The following SPAG16 variants were observed in gnomAD, a reference collection of about 807,000 sequenced individuals.
SPAG16 encodes the protein sperm-associated antigen 16 protein.
Under a neutral mutation model 80.4 loss-of-function variants are expected in SPAG16, and 86 were observed. That is an observed-to-expected ratio of 1.07 (90% CI 0.90 to 1.28). SPAG16 has a LOEUF of 1.28. Among genes scored for constraint, SPAG16 ranks in the 50% most tolerant of loss-of-function variants. The pLI, the probability that SPAG16 is intolerant of heterozygous loss-of-function variation, is 0.00. For synonymous variants in SPAG16, 294 were observed against 265.9 expected (o/e 1.11, Z -1.03); for missense variants, 870 against 765.3 (o/e 1.14, Z -1.61).
At chr2:213,407,521 C>A (rs771382381) in intron 9 of SPAG16, among the ~76,000 whole-genome samples, 2 of 151,880 alleles carry the variant, frequency 1.3e-5, no homozygotes, top group Non-Finnish European at 2.9e-5. Context: ...CCCGTTCAAC[C>A]CCTTTCCTTT....
At chr2:214,074,435 G>A (rs1263879596) in intron 13 of SPAG16, among the ~76,000 whole-genome samples, 1 of 152,122 alleles carries the variant, frequency 6.6e-6, no homozygotes, top group Non-Finnish European at 1.5e-5. Context: ...TTAAAGTGAA[G>A]TGCAAAGCAA....
At chr2:214,408,765 A>G (rs542520419) in intron 15 of SPAG16, among the ~76,000 whole-genome samples, 1 of 152,270 alleles carries the variant, frequency 6.6e-6, no homozygotes, top group African/African-American at 2.4e-5. Flanking sequence ...GTGGAAAGCA[A>G]TGGCTAAAAG....
intron 10 of SPAG16, among the ~76,000 whole-genome samples, chr2:213,857,184 C>T (rs1468583322): frequency 6.6e-6 from 1 of 152,102 alleles, no homozygotes; most frequent in East Asian, 1.9e-4. Flanking sequence ...GAGCCGAGAT[C>T]ACTCCACTGA....
intron 13 of SPAG16, among the ~76,000 whole-genome samples, chr2:214,079,239 G>A (rs888485653): frequency 1.3e-5 from 2 of 152,092 alleles, no homozygotes; most frequent in Non-Finnish European, 2.9e-5. Flanking sequence ...AGAAGGCAGT[G>A]TTTAGCTTTC....
intron 3 of SPAG16, among the ~76,000 whole-genome samples, chr2:213,303,115 A>G (rs56060918): frequency 0.41 from 62,053 of 151,878 alleles, 13,390 homozygotes; most frequent in South Asian, 0.67. Flanking sequence ...TTCCTGTGCT[A>G]GTAACCAGCA....
At chr2:213,743,482 C>G (rs1233173788) in intron 10 of SPAG16, among the ~76,000 whole-genome samples, 1 of 151,056 alleles carries the variant, frequency 6.6e-6, no homozygotes, top group Non-Finnish European at 1.5e-5. Flanking sequence ...TATTTTTTCC[C>G]TAGAAATATC....
intron 10 of SPAG16, among the ~76,000 whole-genome samples, chr2:213,783,135 A>G (rs2070117966): frequency 7.0e-6 from 1 of 142,646 alleles, no homozygotes; most frequent in South Asian, 2.2e-4. Context: ...CCTATGAGTG[A>G]GAATATGCTG....
At chr2:213,613,273 T>C (rs953910023) in intron 10 of SPAG16, among the ~76,000 whole-genome samples, 5 of 152,230 alleles carry the variant, frequency 3.3e-5, no homozygotes, top group Non-Finnish European at 5.9e-5. Context: ...GAGATCATTG[T>C]ACTCCTTGGC....
At chr2:213,841,372 G>T (rs769098756) in intron 10 of SPAG16, among the ~76,000 whole-genome samples, 17 of 152,158 alleles carry the variant, frequency 1.1e-4, no homozygotes, top group Admixed American at 4.6e-4. Context: ...ATTCATGTTA[G>T]ACCCTTGGTC....
intron 15 of SPAG16, among the ~76,000 whole-genome samples, chr2:214,162,300 T>G (rs974155084): frequency 6.6e-6 from 1 of 152,128 alleles, no homozygotes; most frequent in Non-Finnish European, 1.5e-5. Flanking sequence ...AAATCTTTTT[T>G]GAGATGTCAC....
At chr2:213,828,871 C>T (rs1452551106) in intron 10 of SPAG16, among the ~76,000 whole-genome samples, 1 of 152,180 alleles carries the variant, frequency 6.6e-6, no homozygotes, top group East Asian at 1.9e-4. Flanking sequence ...CCTTTGCTTA[C>T]TTTCTCCTGA....
chr2:214,259,419 ATG>A (rs971031146), intron 15 of SPAG16, among the ~76,000 whole-genome samples: 8 of 147,692 alleles, frequency 5.4e-5, no homozygotes, highest in Non-Finnish European at 1.0e-4. Flanking sequence ...ATATGTATAT[ATG>A]TGTGTGTATA....
chr2:213,916,779 G>A (rs991696727), intron 11 of SPAG16, among the ~76,000 whole-genome samples: 3 of 152,146 alleles, frequency 2.0e-5, no homozygotes, highest in African/African-American at 7.2e-5. Flanking sequence ...TTTTGCTGTT[G>A]AGAAGCTCTT....
intron 9 of SPAG16, among the ~76,000 whole-genome samples, chr2:213,429,778 G>A (rs2070177054): frequency 6.6e-6 from 1 of 152,104 alleles, no homozygotes; most frequent in Non-Finnish European, 1.5e-5. Context: ...ACACCTAGAA[G>A]CAAAGCCAAA....
At chr2:213,635,090 C>T (rs1383728240) in intron 10 of SPAG16, among the ~76,000 whole-genome samples, 3 of 150,446 alleles carry the variant, frequency 2.0e-5, no homozygotes, top group African/African-American at 7.4e-5. Flanking sequence ...GGCTGGGGTG[C>T]AGTGATGGGA....
At chr2:214,309,378 ACTT>A (rs1181330823) in intron 15 of SPAG16, among the ~76,000 whole-genome samples, 2 of 151,974 alleles carry the variant, frequency 1.3e-5, no homozygotes, top group East Asian at 3.9e-4. Context: ...TCTAAATTCT[ACTT>A]CTGTCATTTC....
chr2:213,795,591 A>G (rs1395066864), intron 10 of SPAG16, among the ~76,000 whole-genome samples: 1 of 152,140 alleles, frequency 6.6e-6, no homozygotes, highest in African/African-American at 2.4e-5. Flanking sequence ...GATCTTTGTC[A>G]CCACCTAAAT....
chr2:213,855,787 G>A (rs2075134802), intron 10 of SPAG16, among the ~76,000 whole-genome samples: 1 of 152,020 alleles, frequency 6.6e-6, no homozygotes, highest in African/African-American at 2.4e-5. Flanking sequence ...AACAACATGG[G>A]GGAAACCACC....
At chr2:213,667,235 TTAAA>T (rs1403630006) in intron 10 of SPAG16, among the ~76,000 whole-genome samples, 2 of 152,194 alleles carry the variant, frequency 1.3e-5, no homozygotes, top group Non-Finnish European at 2.9e-5. Context: ...CATGTTGGTG[TTAAA>T]TAAAATAATT....
Sources: gnomAD v4.1 joint callset for allele counts (sites outside exome capture counted in the v4.1 genomes callset) on GRCh38, gnomAD v4.1.1 for gene constraint, MANE v1.5 for transcripts, NCBI Gene and HGNC (gene_info 2026-07-23, HGNC 2026-07-21) for gene names.